The following ARHGEF38 variants were observed in gnomAD, a reference collection of about 807,000 sequenced individuals.
The protein encoded by ARHGEF38 is Rho guanine nucleotide exchange factor 38, also known as Rho guanine nucleotide exchange factor (GEF) 38.
ARHGEF38 carries 79 observed loss-of-function variants against 79.9 expected under a neutral mutation model. The ratio of observed to expected loss-of-function variants is 0.99; its 90% CI spans 0.82 to 1.19. The LOEUF (loss-of-function observed/expected upper bound fraction) is 1.19, where lower values mean the gene tolerates loss of function less well. Among genes scored for constraint, ARHGEF38 ranks in the 50% most tolerant of loss-of-function variants. The probability of loss-of-function intolerance (pLI) is 0.00; values close to 1 mark genes in which losing one functional copy is unlikely to be tolerated. For synonymous variants in ARHGEF38, 366 were observed against 328.3 expected, an observed-to-expected ratio of 1.11 and a Z score of -1.24; for missense variants, 962 against 907.2, an observed-to-expected ratio of 1.06 and a Z score of -0.78.
At chr4:105,568,710 CTG>C (rs963964196) in intron 1 of ARHGEF38, among the ~76,000 whole-genome samples, 3 of 152,150 alleles carry the variant, frequency 2.0e-5, no homozygotes, top group Non-Finnish European at 2.9e-5. Flanking sequence ...AGTCAAATGA[CTG>C]TGAAAGTTGC....
intron 1 of ARHGEF38, among the ~76,000 whole-genome samples, chr4:105,577,772 A>C (rs1479572548): frequency 6.6e-6 from 1 of 152,092 alleles, no homozygotes; most frequent in Non-Finnish European, 1.5e-5. Context: ...TGTCAGTTGT[A>C]ATGTCTCAAG....
chr4:105,609,679 G>A (rs531577407), intron 2 of ARHGEF38, among the ~76,000 whole-genome samples: 94 of 152,018 alleles, frequency 6.2e-4, no homozygotes, highest in Non-Finnish European at 1.2e-3. Flanking sequence ...CAACGCTGGA[G>A]GCATCACATT....
At chr4:105,646,990 G>A (rs919668772) in intron 6 of ARHGEF38, among the ~76,000 whole-genome samples, 2 of 152,050 alleles carry the variant, frequency 1.3e-5, no homozygotes, top group Non-Finnish European at 2.9e-5. Context: ...CAATATTTAG[G>A]ATAACAGTTC....
chr4:105,576,342 C>T (rs1415575601), intron 1 of ARHGEF38, among the ~76,000 whole-genome samples: 3 of 149,246 alleles, frequency 2.0e-5, no homozygotes, highest in African/African-American at 7.4e-5. Context: ...TTTTGTAGTT[C>T]TCTTTGTAGA....
At chr4:105,681,206 T>C (rs1731299418), downstream of ARHGEF38, among the ~76,000 whole-genome samples, 1 of 152,044 alleles carries the variant, frequency 6.6e-6, no homozygotes, top group Non-Finnish European at 1.5e-5. Context: ...GATAATGGAT[T>C]ATCTCAATCC....
chr4:105,672,674 C>T (rs922475615), intron 13 of ARHGEF38, among the ~76,000 whole-genome samples: 8 of 152,168 alleles, frequency 5.3e-5, no homozygotes, highest in African/African-American at 1.9e-4. Flanking sequence ...TGTCAGGAGT[C>T]CAAGCACGGT....
At chr4:105,648,213 T>C (rs1305429558) in intron 6 of ARHGEF38, among the ~76,000 whole-genome samples, 1 of 152,122 alleles carries the variant, frequency 6.6e-6, no homozygotes, top group Non-Finnish European at 1.5e-5. Context: ...TAGTTAGATC[T>C]TGATTCCCCA....
chr4:105,558,034 C>T (rs897281207), intron 1 of ARHGEF38, among the ~76,000 whole-genome samples: 1 of 152,018 alleles, frequency 6.6e-6, no homozygotes, highest in Non-Finnish European at 1.5e-5. Context: ...GTCTGTGGTA[C>T]CTTCTATTTT....
intron 3 of ARHGEF38, among the ~76,000 whole-genome samples, chr4:105,622,687 A>G (rs11944959): frequency 0.023 from 3,504 of 152,250 alleles, 122 homozygotes; most frequent in African/African-American, 0.072. Context: ...TCCCTTCACA[A>G]TGCTCAGCAT....
intron 1 of ARHGEF38, among the ~76,000 whole-genome samples, chr4:105,561,439 AGAATAGAATG>A (rs1560684420): frequency 0.011 from 499 of 44,636 alleles, 63 homozygotes; most frequent in East Asian, 0.027. Flanking sequence ...AGAATAGAAT[AGAATAGAATG>A]GAATAGAATA....
At chr4:105,590,138 A>AG (rs1419614439) in intron 2 of ARHGEF38, among the ~76,000 whole-genome samples, 18 of 148,876 alleles carry the variant, frequency 1.2e-4, no homozygotes, top group African/African-American at 4.4e-4. Flanking sequence ...AAAGAAAGAA[A>AG]AAAAAGAAAG....
intron 3 of ARHGEF38, among the ~76,000 whole-genome samples, chr4:105,621,752 C>T (rs2110504184): frequency 6.6e-6 from 1 of 152,174 alleles, no homozygotes; most frequent in South Asian, 2.1e-4. Context: ...TAAGTGTGTG[C>T]ATGTTTTACT....
intron 9 of ARHGEF38, among the ~76,000 whole-genome samples, chr4:105,657,954 A>G (rs1730404680): frequency 6.6e-6 from 1 of 152,190 alleles, no homozygotes; most frequent in African/African-American, 2.4e-5. Context: ...AAAATATCAT[A>G]TAAGCATATA....
intron 13 of ARHGEF38, among the ~76,000 whole-genome samples, chr4:105,668,752 G>T (rs1014346228): frequency 6.6e-6 from 1 of 152,038 alleles, no homozygotes; most frequent in Non-Finnish European, 1.5e-5. Flanking sequence ...AAAAGCATAC[G>T]TAACTTAAAA....
At chr4:105,605,262 T>C (rs1055264116) in intron 2 of ARHGEF38, among the ~76,000 whole-genome samples, 2 of 152,082 alleles carry the variant, frequency 1.3e-5, no homozygotes, top group Non-Finnish European at 2.9e-5. Flanking sequence ...TCAAAACAAA[T>C]TTTCTGTTGG....
intron 3 of ARHGEF38, among the ~76,000 whole-genome samples, chr4:105,630,340 C>T (rs746628475): frequency 1.3e-4 from 19 of 151,946 alleles, no homozygotes; most frequent in African/African-American, 1.9e-4. Context: ...CTCTGCCTCC[C>T]GGGTTCAAGC....
intron 3 of ARHGEF38, among the ~76,000 whole-genome samples, chr4:105,629,244 T>C (rs963358299): frequency 3.3e-5 from 5 of 152,146 alleles, no homozygotes; most frequent in East Asian, 1.9e-4. Flanking sequence ...AAGCTCTGAA[T>C]TGGGTGGCTG....
chr4:105,636,428 CT>C lies in ARHGEF38; in HGVS notation c.674+13del. ...GAAAATATACATGCAAGAGTAAGTA[CT>C]TTTTAAAATAATATAAATCAAATAT... On this transcript the variant is annotated intron_variant, in intron 5 of 13. Coordinates refer to ENST00000420470, the MANE Select transcript of ARHGEF38 (RefSeq NM_001242729.2). 1 of 423,686 alleles carries C rather than the reference CT, an allele frequency of 2.4e-6. No homozygotes were observed. The allele number at this position is 423,686 out of a possible 1,614,324, so 26.2% of individuals were successfully genotyped here. A position where few individuals can be genotyped will look rare whatever the true frequency, so the allele number is the denominator to read the frequency against.
intron 7 of ARHGEF38, among the ~76,000 whole-genome samples, chr4:105,652,780 C>A (rs1730159490): frequency 6.6e-6 from 1 of 152,152 alleles, no homozygotes; most frequent in Non-Finnish European, 1.5e-5. Context: ...TGGAGCATAG[C>A]AACCCTAAGG....
Sources: allele counts gnomAD v4.1 joint callset (sites outside exome capture counted in the v4.1 genomes callset), GRCh38; gene constraint gnomAD v4.1.1; transcripts MANE v1.5; gene names NCBI Gene and HGNC (gene_info 2026-07-23, HGNC 2026-07-21).